Variants in BCL7A observed in about 807,000 individuals in gnomAD.
BCL7A encodes BAF chromatin remodeling complex subunit BCL7A.
A neutral mutation model predicts 28.4 loss-of-function variants in BCL7A; 11 were observed. That is an observed-to-expected ratio of 0.39 (90% CI 0.24 to 0.64). The LOEUF (loss-of-function observed/expected upper bound fraction) is 0.64, where lower values mean the gene tolerates loss of function less well. Among genes scored for constraint, BCL7A ranks in the 30% least tolerant of loss-of-function variants. The pLI, the probability that BCL7A is intolerant of heterozygous loss-of-function variation, is 0.50. For missense variants in BCL7A, 222 were observed against 274.8 expected (o/e 0.81, Z 1.36); for synonymous variants, 123 against 103.3 (o/e 1.19, Z -1.15).
intron 3 of BCL7A, among the ~76,000 whole-genome samples, chr12:122,039,929 A>C (rs1883934349): frequency 6.6e-6 from 1 of 152,132 alleles, no homozygotes. Context: ...CAAACTCCTG[A>C]GTTCAAGCAA....
chr12:122,048,531 G>A (rs1338582912), intron 4 of BCL7A, among the ~76,000 whole-genome samples: 1 of 151,944 alleles, frequency 6.6e-6, no homozygotes, highest in East Asian at 1.9e-4. Flanking sequence ...TGGGTGAATC[G>A]CTTGAGCTCA....
intron 2 of BCL7A, among the ~76,000 whole-genome samples, chr12:122,032,722 CT>C (rs1292670638): frequency 1.3e-5 from 2 of 152,212 alleles, no homozygotes; most frequent in Non-Finnish European, 2.9e-5. Flanking sequence ...ATCGCGGTTT[CT>C]GCAACAGAGC....
At chr12:122,023,825 T>G (rs1883540014) in intron 1 of BCL7A, among the ~76,000 whole-genome samples, 1 of 152,178 alleles carries the variant, frequency 6.6e-6, no homozygotes, top group African/African-American at 2.4e-5. Context: ...AGCCCGGAGT[T>G]GCTCCCCTCC....
chr12:122,047,999 G>A (rs527690102), intron 4 of BCL7A, among the ~76,000 whole-genome samples: 5 of 148,480 alleles, frequency 3.4e-5, no homozygotes, highest in South Asian at 2.1e-4. Context: ...CACCTCCCGC[G>A]TTCAAGCGAT....
chr12:122,034,741 CAAAAAAA>C (rs758389528), intron 2 of BCL7A, among the ~76,000 whole-genome samples: 28 of 122,112 alleles, frequency 2.3e-4, no homozygotes, highest in African/African-American at 8.1e-4. Context: ...GACTCTGTCT[CAAAAAAA>C]AAAAAAAGAA....
chr12:122,026,208 A>G (rs1782890864), intron 1 of BCL7A, among the ~76,000 whole-genome samples: 1 of 149,832 alleles, frequency 6.7e-6, no homozygotes, highest in African/African-American at 2.5e-5. Context: ...CAGAGCTTGC[A>G]GTGAGCCAAG....
intron 1 of BCL7A, among the ~76,000 whole-genome samples, chr12:122,023,896 G>A (rs986353948): frequency 1.3e-5 from 2 of 152,174 alleles, no homozygotes; most frequent in East Asian, 1.9e-4. Flanking sequence ...TTCTGTCGCC[G>A]GCCTGGAGGT....
In BCL7A at chr12:122,029,426, C is replaced by T. The variant is rs767953282; in HGVS notation, c.93-1274C>T. On this transcript the variant is annotated intron_variant, in intron 1 of 5. Transcript: ENST00000261822. This position sits in a 1 kb window ranked among gnomAD's most constrained non-coding sequence, Gnocchi z 4.3. ...CAGCATGTGAGGGCCACATGCCCCA[C>T]GAGGGGGTGATCTAAGGCTGAGTTT... 1.3e-5 allele frequency among the ~76,000 whole-genome samples: 2 copies of T among 152,050 alleles called. No homozygotes were observed. Among genetic ancestry groups the T allele is most frequent in the Non-Finnish European group, 2.9e-5 (2 of 68,020 alleles).
At chr12:122,027,476 G>A (rs368591260) in intron 1 of BCL7A, among the ~76,000 whole-genome samples, 1 of 152,142 alleles carries the variant, frequency 6.6e-6, no homozygotes, top group Non-Finnish European at 1.5e-5. Flanking sequence ...GGAGGTCGAG[G>A]CTGCAGTGAG....
chr12:122,041,110 C>A (rs1409489197), intron 3 of BCL7A, among the ~76,000 whole-genome samples: 1 of 152,040 alleles, frequency 6.6e-6, no homozygotes, highest in Non-Finnish European at 1.5e-5. Flanking sequence ...ATCCAGGTTA[C>A]CCGTGTGGGG....
intron 2 of BCL7A, among the ~76,000 whole-genome samples, chr12:122,034,784 C>T (rs1355793859): frequency 6.6e-6 from 1 of 152,076 alleles, no homozygotes; most frequent in Non-Finnish European, 1.5e-5. Context: ...AAAAGCATCC[C>T]CATCCTCCCT....
Position 122,022,053 on chromosome 12 carries a change from G to T in BCL7A, c.-39G>T. 6.6e-7 allele frequency: 1 copy of T among 1,519,758 alleles called. No individual in the cohort carries two copies. Among genetic ancestry groups the T allele is most frequent in the Non-Finnish European group, 8.9e-7 (1 of 1,127,908 alleles). The allele number at this position is 1,519,758 out of a possible 1,614,324, so 94.1% of individuals were successfully genotyped here. On this transcript the variant is annotated 5_prime_UTR_variant, in exon 1 of 6. Transcript: ENST00000261822. ...CGCCGCGGAGCGCGAGCAGGACCCG[G>T]CGGGCGCGCTCCCCAGCCTCCGTCT... is the stretch of plus-strand genomic sequence containing the variant.
intron 2 of BCL7A, among the ~76,000 whole-genome samples, chr12:122,032,598 C>T (rs957574816): frequency 2.6e-5 from 4 of 152,144 alleles, no homozygotes; most frequent in African/African-American, 4.8e-5. Flanking sequence ...TTCAAGGGAC[C>T]GTTTGATTTG....
intron 4 of BCL7A, among the ~76,000 whole-genome samples, chr12:122,050,300 G>T (rs1317883234): frequency 8.5e-6 from 1 of 118,112 alleles, no homozygotes; most frequent in Admixed American, 8.0e-5. Context: ...CTTTATTGTG[G>T]GGGGGGGGCC....
intron 3 of BCL7A, among the ~76,000 whole-genome samples, chr12:122,040,977 A>G (rs1883954827): frequency 6.6e-6 from 1 of 152,026 alleles, no homozygotes; most frequent in South Asian, 2.1e-4. Context: ...CATAGGAAGG[A>G]AGTCTAGTTT....
At chr12:122,032,184 G>A (rs1024193053) in intron 2 of BCL7A, among the ~76,000 whole-genome samples, 2 of 152,216 alleles carry the variant, frequency 1.3e-5, no homozygotes, top group Non-Finnish European at 2.9e-5. Context: ...CTCTGGGCAG[G>A]GCTGTGGCTC....
At position 122,043,876 on chromosome 12, in the gene BCL7A, C is replaced by A. The variant is rs1267211086; in HGVS notation, c.272-10C>A. 5 of 1,606,764 alleles carry A rather than the reference C, an allele frequency of 3.1e-6. No homozygotes were observed. The Admixed American group carries it at 5.0e-5, about 16-fold the overall frequency. ...ATTTCATCCTGTGGTTCTGTTCCCA[C>A]CCCCTACAGACGATAACAGCAACCA... On this transcript the variant is annotated splice_polypyrimidine_tract_variant and intron_variant, in intron 3 of 5. Coordinates refer to ENST00000261822, the MANE Select transcript of BCL7A (RefSeq NM_001024808.3).
chr12:122,059,102 G>A lies in BCL7A; in HGVS notation c.572G>A (p.Gly191Glu), dbSNP rs1951898851. The A allele has an allele frequency of 6.2e-7, 1 of 1,609,934 alleles. No homozygotes were observed. The highest frequency in any genetic ancestry group is 1.7e-4 in the Middle Eastern group (1 of 6,050). The change falls in exon 6 of 6, where the codon GGA becomes GAA. Residue 191 changes from glycine to glutamate, a missense_variant. This residue lies in a region of BCL7A where 155 missense variants were observed against 145.7 expected (regional missense o/e 1.06). Coordinates refer to ENST00000261822, the MANE Select transcript of BCL7A (RefSeq NM_001024808.3). The surrounding 1 kb of genome is among the most constrained non-coding windows in gnomAD (Gnocchi z 4.0). ...ETSAISQDLE[G>E]VPPSKKMKLE... is the part of the protein sequence containing the mutation. Reference sequence around the variant, plus strand: ...TCTCCTCTCCCCAAGGATTTGGAAGGAGTGCCACCCTCTAAAAAGATGAAA... The same window carrying A: ...TCTCCTCTCCCCAAGGATTTGGAAGAAGTGCCACCCTCTAAAAAGATGAAA...
intron 1 of BCL7A, among the ~76,000 whole-genome samples, chr12:122,023,879 G>C (rs1374818917): frequency 6.6e-6 from 1 of 152,202 alleles, no homozygotes; most frequent in Non-Finnish European, 1.5e-5. Context: ...GTCTGTGCCT[G>C]GGTCCCTTCT....
Sources: allele counts gnomAD v4.1 joint callset (sites outside exome capture counted in the v4.1 genomes callset), GRCh38; gene constraint gnomAD v4.1.1; regional missense constraint gnomAD v4.1.1; non-coding constraint Gnocchi (gnomAD v3.1); transcripts MANE v1.5; gene names NCBI Gene and HGNC (gene_info 2026-07-23, HGNC 2026-07-21).